The following PCNX2 variants were observed in gnomAD, a reference collection of about 807,000 sequenced individuals.
The protein encoded by PCNX2 is pecanex-like protein 2.
A neutral mutation model predicts 223.8 loss-of-function variants in PCNX2; 168 were observed. That is an observed-to-expected ratio of 0.75 (90% CI 0.66 to 0.85). PCNX2 has a LOEUF of 0.85. Among genes scored for constraint, PCNX2 ranks in the 40% least tolerant of loss-of-function variants. The pLI is 0.00. For synonymous variants in PCNX2, 1,006 were observed against 1,052.6 expected, an observed-to-expected ratio of 0.96 and a Z score of 0.86; for missense variants, 2,507 against 2,675.5, an observed-to-expected ratio of 0.94 and a Z score of 1.39.
the PCNX2 span, among the ~76,000 whole-genome samples, chr1:233,303,798 G>A: frequency 6.6e-6 from 1 of 152,000 alleles, no homozygotes; most frequent in African/African-American, 2.4e-5. Context: ...TCACCTCAGG[G>A]TTCTTCTGGT....
In PCNX2 at chr1:233,057,402, A is replaced by G. The variant is rs947852711; in HGVS notation, c.4077-112T>C. The G allele has an allele frequency of 1.4e-5, 11 of 790,822 alleles. No individual in the cohort carries two copies. In the African/African-American group the frequency reaches 1.9e-4, roughly 14 times the overall value. 49.0% of individuals were successfully genotyped at this position (790,822 alleles called of 1,614,324 possible). ...AAAATGCAAAGGTGACAGATCTCAC[A>G]GGTTAAGACGATTGCTGTAGTTTTA... On this transcript the variant is annotated intron_variant, in intron 23 of 33. Transcript: ENST00000258229.
At chr1:233,112,002 G>C (rs1424573603) in intron 21 of PCNX2, among the ~76,000 whole-genome samples, 1 of 152,118 alleles carries the variant, frequency 6.6e-6, no homozygotes, top group African/African-American at 2.4e-5. Context: ...TGCTTTTTCT[G>C]ATAAGACAGG....
chr1:233,167,127 G>A (rs1280112942), intron 17 of PCNX2, among the ~76,000 whole-genome samples: 1 of 152,194 alleles, frequency 6.6e-6, no homozygotes, highest in Admixed American at 6.5e-5. Flanking sequence ...TAGCCAAGAT[G>A]TGGAAACAAC....
intron 21 of PCNX2, among the ~76,000 whole-genome samples, chr1:233,128,971 C>T (rs762383439): frequency 4.6e-5 from 7 of 152,240 alleles, no homozygotes; most frequent in Non-Finnish European, 8.8e-5. Context: ...AGTGTGCTGG[C>T]AGCCCTCGCT....
intron 23 of PCNX2, among the ~76,000 whole-genome samples, chr1:233,064,151 C>T (rs1444275946): frequency 1.3e-5 from 2 of 151,802 alleles, no homozygotes; most frequent in African/African-American, 2.4e-5. Context: ...TTTTGTATTG[C>T]GTAGTACTGG....
intron 12 of PCNX2, among the ~76,000 whole-genome samples, chr1:233,214,345 C>T (rs1681997334): frequency 6.6e-6 from 1 of 152,122 alleles, no homozygotes; most frequent in African/African-American, 2.4e-5. Context: ...GTAAGTTTCC[C>T]AAGCTCTCAC....
At chr1:233,236,330 G>A (rs1415426433) in intron 9 of PCNX2, among the ~76,000 whole-genome samples, 1 of 152,068 alleles carries the variant, frequency 6.6e-6, no homozygotes, top group Non-Finnish European at 1.5e-5. Flanking sequence ...CTGGATAAAT[G>A]AATGAACATT....
At chr1:233,249,858 A>G (rs1395557609) in intron 8 of PCNX2, among the ~76,000 whole-genome samples, 1 of 152,220 alleles carries the variant, frequency 6.6e-6, no homozygotes, top group East Asian at 1.9e-4. Context: ...TTCCACCTGG[A>G]GGCCAGAATG....
rs547596304 is a variant in PCNX2 at position 233,266,990 on chromosome 1, C to T, written c.154-3827G>A. ...CAGGCTCATAGCTCTAGCTGCCTCA[C>T]AGTCACTACTCTGTTTTTTTTTCTC... On this transcript the variant is annotated intron_variant, in intron 1 of 33. Transcript: ENST00000258229. Among the ~76,000 whole-genome samples, 161 of 150,264 alleles carry T rather than the reference C, an allele frequency of 1.1e-3. 1 individual carries two copies. The highest frequency in any genetic ancestry group is 3.7e-3 in the African/African-American group (151 of 40,986).
At chr1:233,036,484 G>T (rs2102851480) in intron 25 of PCNX2, among the ~76,000 whole-genome samples, 1 of 152,134 alleles carries the variant, frequency 6.6e-6, no homozygotes, top group East Asian at 1.9e-4. Context: ...ACAAAAATTA[G>T]CCAGGTGTGG....
intron 21 of PCNX2, among the ~76,000 whole-genome samples, chr1:233,112,245 C>A (rs1045921595): frequency 6.6e-6 from 1 of 152,196 alleles, no homozygotes; most frequent in South Asian, 2.1e-4. Context: ...AAATGTACAT[C>A]CTATAAAACA....
At chr1:233,145,474 C>A (rs1677388851) in intron 19 of PCNX2, among the ~76,000 whole-genome samples, 1 of 152,152 alleles carries the variant, frequency 6.6e-6, no homozygotes, top group Non-Finnish European at 1.5e-5. Context: ...CTATTTCCCC[C>A]AGCACTGGAG....
At chr1:233,218,382 G>A (rs1371852610) in intron 10 of PCNX2, among the ~76,000 whole-genome samples, 198 bp from the exon 11 acceptor site, 1 of 150,822 alleles carries the variant, frequency 6.6e-6, no homozygotes, top group African/African-American at 2.4e-5. Flanking sequence ...CGGAGTAGCT[G>A]GGACTACAGG....
chr1:233,054,280 G>A lies in PCNX2; in HGVS notation c.4339C>T (p.Leu1447=). The change falls in exon 25 of 34, where the codon CTG becomes TTG. Residue 1447 remains leucine (L), a synonymous_variant. Coordinates refer to ENST00000258229, the MANE Select transcript of PCNX2 (RefSeq NM_014801.4). ...NGLVTFQLRG[L]EFRGTYCQQR... is the part of the protein sequence containing the mutation. ...AAGAAATTCTTACCTCGGAATTCCAGTCCTCGAAGTTGAAAGGTGACAAGA... is the reference window on the plus strand; with the variant it reads ...AAGAAATTCTTACCTCGGAATTCCAATCCTCGAAGTTGAAAGGTGACAAGA... 1 of 1,613,474 alleles carries A rather than the reference G, an allele frequency of 6.2e-7. No individual in the cohort carries two copies. Among genetic ancestry groups the A allele is most frequent in the Middle Eastern group, 1.7e-4 (1 of 6,058 alleles).
At chr1:233,212,090 ATT>A (rs1681854965) in intron 12 of PCNX2, among the ~76,000 whole-genome samples, 5 of 152,102 alleles carry the variant, frequency 3.3e-5, no homozygotes, top group Non-Finnish European at 7.4e-5. Context: ...GCTGTTGATG[ATT>A]TCGTTTTTAC....
chr1:233,113,375 C>G (rs79716703), intron 21 of PCNX2, among the ~76,000 whole-genome samples: 1,600 of 152,270 alleles, frequency 0.011, 26 homozygotes, highest in African/African-American at 0.037. Context: ...TCTAAGTAAT[C>G]CATAGGCTCA....
At chr1:233,142,001 A>G (rs1292458723) in intron 19 of PCNX2, among the ~76,000 whole-genome samples, 1 of 152,242 alleles carries the variant, frequency 6.6e-6, no homozygotes, top group Non-Finnish European at 1.5e-5. Context: ...AAGAAGTTTT[A>G]GTGACAGATG....
Position 233,135,071 on chromosome 1 carries a change from T to C in PCNX2, c.3779A>G (p.Lys1260Arg), listed in dbSNP as rs751338556. ...CAGTAAGAAGCTCTCTGAAATATCT[T>C]TGTAGTCAAAGTGGAAAAAGATGAC... Reference protein sequence around the residue: ...FTVIFFHFDYKDISESFLLDF... With the variant: ...FTVIFFHFDYRDISESFLLDF... The change falls in exon 21 of 34, where the codon AAA (lysine) becomes AGA (arginine). Residue 1260 changes from lysine to arginine, a missense_variant. By Grantham distance (26) the Lys-to-Arg change is conservative. Coordinates refer to ENST00000258229, the MANE Select transcript of PCNX2 (RefSeq NM_014801.4). 4.8e-5 allele frequency: 78 copies of C among 1,612,590 alleles called. 1 individual carries two copies. In the South Asian group the frequency reaches 7.7e-4, roughly 16 times the overall value.
rs745606662 is a variant in PCNX2 at position 233,259,285 on chromosome 1, T to C, written c.577A>G (p.Lys193Glu). 3 of 1,613,960 alleles carry C rather than the reference T, an allele frequency of 1.9e-6. No individual in the cohort carries two copies. Among genetic ancestry groups the C allele is most frequent in the Non-Finnish European group, 2.5e-6 (3 of 1,179,868 alleles). The change falls in exon 5 of 34, where the codon AAA (lysine) becomes GAA (glutamate). Residue 193 changes from lysine to glutamate, a missense_variant. Lys to Glu is a moderately conservative substitution (Grantham distance 56, BLOSUM62 1). Around this residue, in one of 3 missense-constraint regions of PCNX2, gnomAD observed 1,031 missense variants for 1,021.7 expected, o/e 1.01. Coordinates refer to ENST00000258229, the MANE Select transcript of PCNX2 (RefSeq NM_014801.4). Reference protein sequence around the residue: ...APVSSTSPGIKVESLPASQAH... With the variant: ...APVSSTSPGIEVESLPASQAH... ...TGAGACGCAGGTAAGCTTTCCACTT[T>C]GATACCAGGTGAGGTAGATGACACT...
Sources: gnomAD v4.1 joint callset for allele counts (sites outside exome capture counted in the v4.1 genomes callset) on GRCh38, gnomAD v4.1.1 for gene constraint, gnomAD v4.1.1 regional missense constraint, MANE v1.5 for transcripts, NCBI Gene and HGNC (gene_info 2026-07-23, HGNC 2026-07-21) for gene names.